Variants in CHST3 observed in about 807,000 individuals in gnomAD.
CHST3 encodes carbohydrate sulfotransferase 3, also known as C6ST-1.
In CHST3, 20 loss-of-function variants were observed where a neutral mutation model predicts 35.4. The observed-to-expected ratio is 0.57, with a 90% CI of 0.40 to 0.82. CHST3 has a LOEUF of 0.82. CHST3 is among the 40% of genes least tolerant of loss of function. The pLI, the probability that CHST3 is intolerant of heterozygous loss-of-function variation, is 0.00. For missense variants in CHST3, 693 were observed against 670.1 expected, an observed-to-expected ratio of 1.03 and a Z score of -0.38; for synonymous variants, 334 against 295.9, an observed-to-expected ratio of 1.13 and a Z score of -1.32.
chr10:71,985,317 AC>A (rs1839838245), intron 1 of CHST3, among the ~76,000 whole-genome samples: 1 of 152,076 alleles, frequency 6.6e-6, no homozygotes, highest in African/African-American at 2.4e-5. Context: ...CCTTACCAGA[AC>A]CCACACCATG....
At chr10:71,985,166 C>T (rs1275043239) in intron 1 of CHST3, among the ~76,000 whole-genome samples, 1 of 152,248 alleles carries the variant, frequency 6.6e-6, no homozygotes, top group Admixed American at 6.5e-5. Flanking sequence ...TCTCCTTCGC[C>T]CCAAGGCCAT....
intron 1 of CHST3, among the ~76,000 whole-genome samples, chr10:71,986,077 G>A (rs554382301): frequency 3.3e-5 from 5 of 152,302 alleles, no homozygotes; most frequent in African/African-American, 7.2e-5. Context: ...TACTAAGTAG[G>A]TAAAACAAGG....
intron 1 of CHST3, among the ~76,000 whole-genome samples, chr10:71,978,256 C>T (rs1035436564): frequency 1.3e-5 from 2 of 152,088 alleles, no homozygotes; most frequent in African/African-American, 2.4e-5. Context: ...AATCCAGCTA[C>T]TCGGGAGGCT....
intron 2 of CHST3, 32 bp downstream of exon 2, chr10:72,006,014 C>T (rs1286821377): frequency 5.8e-6 from 8 of 1,390,366 alleles, no homozygotes; most frequent in East Asian, 2.5e-5. Context: ...CTTCATCTTC[C>T]TTTCAAGGTG....
At chr10:71,976,718 C>T (rs2131741961) in intron 1 of CHST3, among the ~76,000 whole-genome samples, 1 of 152,326 alleles carries the variant, frequency 6.6e-6, no homozygotes, top group South Asian at 2.1e-4. Flanking sequence ...CTCAAATTTT[C>T]CTTTCTGTGA....
In CHST3 at chr10:72,010,252, C is replaced by G. The variant is rs1270413342; in HGVS notation, c.*1781C>G. 1.3e-5 allele frequency: 2 copies of G among 152,242 alleles called. No homozygotes were observed. Among genetic ancestry groups the G allele is most frequent in the East Asian group, 3.8e-4 (2 of 5,198 alleles). The allele number at this position is 152,242 out of a possible 1,614,324, so 9.4% of individuals were successfully genotyped here. A position where few individuals can be genotyped will look rare whatever the true frequency, so the allele number is the denominator to read the frequency against. Reference sequence around the variant, plus strand: ...CCCACTCCCACCTCAAACCCAGGAGCAGAACTCAGTATCCAGAGCTTACAA... The same window carrying G: ...CCCACTCCCACCTCAAACCCAGGAGGAGAACTCAGTATCCAGAGCTTACAA... On this transcript the variant is annotated 3_prime_UTR_variant, in exon 3 of 3. Transcript: ENST00000373115.
At chr10:72,002,308 C>T (rs1840001823) in intron 1 of CHST3, among the ~76,000 whole-genome samples, 1 of 152,150 alleles carries the variant, frequency 6.6e-6, no homozygotes, top group African/African-American at 2.4e-5. Flanking sequence ...AAGAAATAGT[C>T]CCTGGAAGGG....
intron 1 of CHST3, among the ~76,000 whole-genome samples, chr10:71,997,541 A>G (rs1839952367): frequency 1.3e-5 from 2 of 152,118 alleles, no homozygotes; most frequent in Admixed American, 6.5e-5. Context: ...TTTTCATACC[A>G]CTTCCAAAGT....
chr10:71,975,235 C>G (rs574438887), intron 1 of CHST3, among the ~76,000 whole-genome samples: 2 of 152,274 alleles, frequency 1.3e-5, no homozygotes, highest in South Asian at 4.1e-4. Flanking sequence ...TTATTTTCGT[C>G]CATCTGATTG....
At chr10:72,000,862 C>T (rs1176570140) in intron 1 of CHST3, among the ~76,000 whole-genome samples, 1 of 151,582 alleles carries the variant, frequency 6.6e-6, no homozygotes, top group Non-Finnish European at 1.5e-5. Context: ...GCCAGGGAAG[C>T]AGGAGGGGGT....
At chr10:71,997,721 G>A (rs78158745) in intron 1 of CHST3, among the ~76,000 whole-genome samples, 13,965 of 147,830 alleles carry the variant, frequency 0.094, 689 homozygotes, top group Admixed American at 0.14. Flanking sequence ...TCTTGCAGTG[G>A]TGGGATCTCG....
rs372291815 is a variant in CHST3 at position 72,008,297 on chromosome 10, G to C, written c.1266G>C (p.Ser422=). ...TCTACTCCACGCAGAAGAACTCCTC[G>C]GAGCAGTTCGAGAAGTGGCGCTTCA... ...SGIYSTQKNS[S]EQFEKWRFSM... is the part of the protein sequence containing the mutation. Residue 422 remains serine, a synonymous_variant, in exon 3 of 3, where the codon TCG becomes TCC. Transcript: ENST00000373115. The C allele has an allele frequency of 3.2e-6, 5 of 1,585,024 alleles. No individual in the cohort carries two copies. The highest frequency in any genetic ancestry group is 1.2e-5 in the South Asian group (1 of 86,640).
chr10:71,994,791 C>A (rs1435582642), intron 1 of CHST3, among the ~76,000 whole-genome samples: 6 of 152,214 alleles, frequency 3.9e-5, no homozygotes, highest in Non-Finnish European at 7.3e-5. Context: ...CGTCAGTGAT[C>A]TTAGCTAGAT....
At chr10:71,977,928 G>C (rs1589498649) in intron 1 of CHST3, among the ~76,000 whole-genome samples, 1 of 152,178 alleles carries the variant, frequency 6.6e-6, no homozygotes, top group Non-Finnish European at 1.5e-5. Context: ...AGCTGGATCT[G>C]AGCCACTGGC....
intron 1 of CHST3, among the ~76,000 whole-genome samples, chr10:71,970,916 G>A (rs190536139): frequency 6.6e-6 from 1 of 152,200 alleles, no homozygotes; most frequent in Admixed American, 6.5e-5. Context: ...AAAATGTCAG[G>A]TTTCTTTGCT....
At chr10:71,983,072 G>C (rs899647257) in intron 1 of CHST3, among the ~76,000 whole-genome samples, 10 of 152,238 alleles carry the variant, frequency 6.6e-5, no homozygotes, top group Admixed American at 5.9e-4. Flanking sequence ...GCCAGGGGGA[G>C]GCCCCAGGAA....
chr10:71,982,725 G>A (rs898144643), intron 1 of CHST3, among the ~76,000 whole-genome samples: 1 of 152,160 alleles, frequency 6.6e-6, no homozygotes, highest in African/African-American at 2.4e-5. Flanking sequence ...CTCAGCCTGG[G>A]CAACAGAGCA....
At position 72,008,481 on chromosome 10, in the gene CHST3, G is replaced by A. The variant is rs887046205; in HGVS notation, c.*10G>A. On this transcript the variant is annotated 3_prime_UTR_variant, in exon 3 of 3. Transcript: ENST00000373115. ...CTTCTGGGTCACGTAGGGGGGCCGG[G>A]GCCCCGTATGCCCCTCCTCGTGAAA... 4 of 1,516,606 alleles carry A rather than the reference G, an allele frequency of 2.6e-6. No individual in the cohort carries two copies. In the African/African-American group the frequency reaches 5.5e-5, roughly 21 times the overall value. The allele number at this position is 1,516,606 out of a possible 1,614,324, so 93.9% of individuals were successfully genotyped here.
chr10:71,978,403 G>A (rs1839768322), intron 1 of CHST3, among the ~76,000 whole-genome samples: 1 of 151,178 alleles, frequency 6.6e-6, no homozygotes, highest in Non-Finnish European at 1.5e-5. Context: ...GCTGGGCTTG[G>A]ATCTCCAACA....
Sources: allele counts gnomAD v4.1 joint callset (sites outside exome capture counted in the v4.1 genomes callset), GRCh38; gene constraint gnomAD v4.1.1; transcripts MANE v1.5; gene names NCBI Gene and HGNC (gene_info 2026-07-23, HGNC 2026-07-21).